The following CLIP1 variants were observed in gnomAD, a reference collection of about 807,000 sequenced individuals.
The protein encoded by CLIP1 is CAP-Gly domain-containing linker protein 1.
In CLIP1, 66 loss-of-function variants were observed where a neutral mutation model predicts 161.6. That is an observed-to-expected ratio of 0.41 (90% CI 0.33 to 0.50). The LOEUF (loss-of-function observed/expected upper bound fraction) is 0.50, where lower values mean the gene tolerates loss of function less well. Among genes scored for constraint, CLIP1 ranks in the 20% least tolerant of loss-of-function variants. The pLI is 0.27. For synonymous variants in CLIP1, 598 were observed against 626.2 expected (o/e 0.96, Z 0.67); for missense variants, 1,376 against 1,702.0 (o/e 0.81, Z 3.37).
chr12:122,414,374 T>C (rs1329782515), intron 1 of CLIP1, among the ~76,000 whole-genome samples: 5 of 152,080 alleles, frequency 3.3e-5, no homozygotes. Context: ...GATCTCAAAC[T>C]CCTGGACTCA....
At chr12:122,403,499 G>GTTTTTT (rs11302150) in intron 1 of CLIP1, among the ~76,000 whole-genome samples, 2 of 72,342 alleles carry the variant, frequency 2.8e-5, no homozygotes, top group African/African-American at 4.5e-5. Flanking sequence ...TTCTTGTTTT[G>GTTTTTT]TTTTTTTTTT....
chr12:122,355,128 T>G lies in CLIP1; in HGVS notation c.1190A>C (p.Asp397Ala). 6.2e-7 allele frequency: 1 copy of G among 1,614,096 alleles called. No individual in the cohort carries two copies. The highest frequency in any genetic ancestry group is 1.1e-5 in the South Asian group (1 of 91,074). Reference protein sequence around the residue: ...EIEQELALARDGHDQHVLELE... With the variant: ...EIEQELALARAGHDQHVLELE... ...TCCAGACTTCACCTGGTCATGTCCGTCCCGGGCCAGAGCTAGCTCCTGCTC... is the reference window on the plus strand; with the variant it reads ...TCCAGACTTCACCTGGTCATGTCCGGCCCGGGCCAGAGCTAGCTCCTGCTC... The change falls in exon 6 of 26, where the codon GAC becomes GCC. Residue 397 changes from aspartate (D) to alanine (A), a missense_variant. Transcript: ENST00000620786. This position sits in a 1 kb window ranked among gnomAD's most constrained non-coding sequence, Gnocchi z 4.1.
At chr12:122,364,322 A>G (rs145197199) in intron 3 of CLIP1, among the ~76,000 whole-genome samples, 23 of 152,150 alleles carry the variant, frequency 1.5e-4, no homozygotes, top group South Asian at 6.2e-4. Flanking sequence ...GATGCCTAAT[A>G]TGTTGCAATA....
chr12:122,331,346 G>A (rs1951957501), intron 15 of CLIP1, among the ~76,000 whole-genome samples: 1 of 151,090 alleles, frequency 6.6e-6, no homozygotes, highest in East Asian at 2.0e-4. Flanking sequence ...ACGGAGTCTA[G>A]CTTTGTCACC....
intron 10 of CLIP1, among the ~76,000 whole-genome samples, chr12:122,346,694 G>C (rs374921899): frequency 6.6e-6 from 1 of 152,104 alleles, no homozygotes; most frequent in Non-Finnish European, 1.5e-5. Context: ...GTAAAGACAG[G>C]GTTTCACCAT....
In CLIP1 at chr12:122,311,296, C is replaced by T. The variant is rs566461526; in HGVS notation, c.3474-1414G>A. ...ATGTGTGTGGCCTGTCAAAGTGCTA[C>T]GCTTATACTCCTGTTCCTTCTCTCT... is the stretch of plus-strand genomic sequence containing the variant. On this transcript the variant is annotated intron_variant, in intron 19 of 25. Coordinates refer to ENST00000620786, the MANE Select transcript of CLIP1 (RefSeq NM_001247997.2). The surrounding 1 kb of genome is among the most constrained non-coding windows in gnomAD (Gnocchi z 4.3). Among the ~76,000 whole-genome samples, 1 of 151,924 alleles carries T rather than the reference C, an allele frequency of 6.6e-6. No individual in the cohort carries two copies. Among genetic ancestry groups the T allele is most frequent in the Non-Finnish European group, 1.5e-5 (1 of 67,990 alleles).
In CLIP1 at chr12:122,290,606, G is replaced by A. The variant is rs148001477; in HGVS notation, c.3595-2065C>T. Among the ~76,000 whole-genome samples the A allele has an allele frequency of 2.2e-3, 330 of 152,164 alleles. 5 individuals are homozygous for A. Among genetic ancestry groups the A allele is most frequent in the African/African-American group, 7.3e-3 (303 of 41,542 alleles). ...AATATATAAATGGACAAAGAGCATG[G>A]CAGACAATTCACAAAACAAAATAAA... On this transcript the variant is annotated intron_variant, in intron 20 of 25. Coordinates refer to ENST00000620786, the MANE Select transcript of CLIP1 (RefSeq NM_001247997.2).
intron 3 of CLIP1, among the ~76,000 whole-genome samples, chr12:122,371,660 TCAGGGCA>T (rs1397831983): frequency 6.6e-6 from 1 of 152,050 alleles, no homozygotes; most frequent in Non-Finnish European, 1.5e-5. Context: ...CCCAAAGCAG[TCAGGGCA>T]CAGGGCACAG....
intron 20 of CLIP1, among the ~76,000 whole-genome samples, chr12:122,302,104 T>C (rs940926406): frequency 2.0e-5 from 3 of 151,976 alleles, no homozygotes; most frequent in African/African-American, 7.2e-5. Flanking sequence ...TTATTTTTTA[T>C]TATTATTATT....
chr12:122,377,514 C>T lies in CLIP1; in HGVS notation c.532G>A (p.Glu178Lys), dbSNP rs539818652. The part of the protein sequence containing the change: ...PQKPSQPAAK[E>K]PSATPPISNL... ...CTGATCGGAGGCGTAGCTGAAGGTT[C>T]CTTTGCTGCTGGCTGTGATGGTTTC... Residue 178 changes from glutamate (E) to lysine (K), a missense_variant, in exon 3 of 26, where the codon GAA becomes AAA. Physicochemically the swap from Glu to Lys is moderately conservative, Grantham distance 56. Coordinates refer to ENST00000620786, the MANE Select transcript of CLIP1 (RefSeq NM_001247997.2). The T allele has an allele frequency of 6.2e-7, 1 of 1,613,956 alleles. No individual in the cohort carries two copies. The highest frequency in any genetic ancestry group is 8.5e-7 in the Non-Finnish European group (1 of 1,180,024).
chr12:122,329,094 CTGAGA>C lies in CLIP1; in HGVS notation c.2868-673_2868-669del, dbSNP rs781656009. Reference sequence around the variant, plus strand: ...CCTATGATCCCAGCACCCTGGGAGGCTGAGATGAGATCATTTAAGTTCAGGAGTTC... The same window carrying C: ...CCTATGATCCCAGCACCCTGGGAGGCTGAGATCATTTAAGTTCAGGAGTTC... On this transcript the variant is annotated intron_variant, in intron 15 of 25. Transcript: ENST00000620786. Among the ~76,000 whole-genome samples, 58 of 152,192 alleles carry C rather than the reference CTGAGA, an allele frequency of 3.8e-4. No homozygotes were observed. The East Asian group carries it at 6.6e-3, about 17-fold the overall frequency.
intron 20 of CLIP1, among the ~76,000 whole-genome samples, chr12:122,295,325 G>A (rs958119426): frequency 2.6e-5 from 4 of 152,032 alleles, no homozygotes; most frequent in Admixed American, 6.6e-5. Flanking sequence ...AGCCAAGATC[G>A]CACCACTGCA....
chr12:122,284,335 G>A (rs1450734295), intron 21 of CLIP1, among the ~76,000 whole-genome samples: 5 of 151,862 alleles, frequency 3.3e-5, no homozygotes, highest in Admixed American at 1.3e-4. Flanking sequence ...AGAACTTCAC[G>A]GCCCCAAAAT....
intron 19 of CLIP1, among the ~76,000 whole-genome samples, chr12:122,313,653 G>A (rs564174578): frequency 6.6e-6 from 1 of 152,108 alleles, no homozygotes; most frequent in South Asian, 2.1e-4. Flanking sequence ...GGAGGTGGAG[G>A]TTACAGTGAG....
intron 17 of CLIP1, 87 bp from the exon 18 acceptor site, chr12:122,319,435 C>A: frequency 1.0e-6 from 1 of 969,900 alleles, no homozygotes; most frequent in Non-Finnish European, 1.7e-6. Flanking sequence ...TCAGGCAGCA[C>A]TCAGTGTCTG....
At chr12:122,403,500 T>G (rs1347705705) in intron 1 of CLIP1, among the ~76,000 whole-genome samples, 2 of 2,038 alleles carry the variant, frequency 9.8e-4, no homozygotes, top group African/African-American at 2.5e-3. Context: ...TCTTGTTTTG[T>G]TTTTTTTTTT....
chr12:122,276,382 C>CCGCACACACACACACA, intron 24 of CLIP1: 1 of 1,160,594 alleles, frequency 8.6e-7, no homozygotes, highest in South Asian at 1.4e-5. Flanking sequence ...TAGTGGGAAA[C>CCGCACACACACACACA]CACACACACA....
intron 1 of CLIP1, among the ~76,000 whole-genome samples, chr12:122,401,979 A>C (rs1291276990): frequency 6.6e-6 from 1 of 152,100 alleles, no homozygotes; most frequent in Middle Eastern, 3.2e-3. Flanking sequence ...CCTGGGCAAC[A>C]AGAGCAAAAC....
chr12:122,328,654 C>T (rs1215244862), intron 15 of CLIP1, among the ~76,000 whole-genome samples: 3 of 152,068 alleles, frequency 2.0e-5, no homozygotes, highest in Admixed American at 2.0e-4. Context: ...GCATGATCTC[C>T]GCTCACTGCA....
Sources: gnomAD v4.1 joint callset for allele counts (sites outside exome capture counted in the v4.1 genomes callset) on GRCh38, gnomAD v4.1.1 for gene constraint, Gnocchi (gnomAD v3.1) non-coding constraint, MANE v1.5 for transcripts, NCBI Gene and HGNC (gene_info 2026-07-23, HGNC 2026-07-21) for gene names.